CTNND2: variants seen among roughly 807,000 people sequenced by gnomAD.
CTNND2 encodes the protein catenin delta 2, also known as catenin delta-2.
In CTNND2, 22 loss-of-function variants were observed where a neutral mutation model predicts 144.4. The ratio of observed to expected loss-of-function variants is 0.15; its 90% CI spans 0.11 to 0.22. The LOEUF is 0.22. Among genes scored for constraint, CTNND2 ranks in the 10% least tolerant of loss-of-function variants. The pLI, the probability that CTNND2 is intolerant of heterozygous loss-of-function variation, is 1.00. For missense variants in CTNND2, 1,353 were observed against 1,618.8 expected, an observed-to-expected ratio of 0.84 and a Z score of 2.82; for synonymous variants, 751 against 695.6, an observed-to-expected ratio of 1.08 and a Z score of -1.25.
At chr5:11,629,889 T>C (rs1781333340) in intron 2 of CTNND2, among the ~76,000 whole-genome samples, 1 of 152,124 alleles carries the variant, frequency 6.6e-6, no homozygotes, top group South Asian at 2.1e-4. Context: ...CTATGATACG[T>C]CATGCTTTAA....
Position 11,384,509 on chromosome 5 carries a change from C to CT in CTNND2, c.1177+155dup, listed in dbSNP as rs1375717748. 6.2e-6 allele frequency: 4 copies of CT among 649,336 alleles called. No individual in the cohort carries two copies. The highest frequency in any genetic ancestry group is 5.5e-5 in the African/African-American group (3 of 54,658). 40.2% of individuals were successfully genotyped at this position (649,336 alleles called of 1,614,324 possible). On this transcript the variant is annotated intron_variant, in intron 7 of 21. Transcript: ENST00000304623. This position sits in a 1 kb window ranked among gnomAD's most constrained non-coding sequence, Gnocchi z 5.2. ...TGACAAACTGTAGGGAAGATACTGA[C>CT]TTGTTCCAGGAAAGCCCTGGCGTTC...
intron 3 of CTNND2, among the ~76,000 whole-genome samples, chr5:11,521,455 A>C (rs1772706586): frequency 6.6e-6 from 1 of 152,214 alleles, no homozygotes; most frequent in Admixed American, 6.5e-5. Flanking sequence ...TGAAGACTGA[A>C]TGAAATAAAC....
chr5:11,403,129 G>A (rs2149824844), intron 5 of CTNND2, among the ~76,000 whole-genome samples: 1 of 152,216 alleles, frequency 6.6e-6, no homozygotes, highest in South Asian at 2.1e-4. Flanking sequence ...GTTGTTTGCT[G>A]CACCTATCAA....
At chr5:11,709,099 G>C (rs965245650) in intron 2 of CTNND2, among the ~76,000 whole-genome samples, 4 of 152,180 alleles carry the variant, frequency 2.6e-5, no homozygotes, top group Non-Finnish European at 5.9e-5. Flanking sequence ...GTTCCCAAGA[G>C]AGCAAGAACT....
At chr5:11,100,704 T>TA (rs1215454473) in intron 14 of CTNND2, among the ~76,000 whole-genome samples, 2 of 152,246 alleles carry the variant, frequency 1.3e-5, no homozygotes, top group African/African-American at 4.8e-5. Context: ...TTAAAGCAAT[T>TA]ATTTTCATAT....
chr5:11,039,573 A>G (rs1451608085), intron 16 of CTNND2, among the ~76,000 whole-genome samples: 1 of 152,186 alleles, frequency 6.6e-6, no homozygotes, highest in Non-Finnish European at 1.5e-5. Context: ...TAAAAAATGA[A>G]TCTTCTTTTA....
chr5:11,895,824 GA>G (rs1325550563), intron 1 of CTNND2, among the ~76,000 whole-genome samples: 1 of 152,100 alleles, frequency 6.6e-6, no homozygotes, highest in Admixed American at 6.6e-5. Flanking sequence ...AAAAAAATTA[GA>G]CGTAGACACC....
intron 3 of CTNND2, among the ~76,000 whole-genome samples, chr5:11,429,526 T>G (rs983466411): frequency 3.3e-5 from 5 of 152,194 alleles, no homozygotes; most frequent in African/African-American, 1.2e-4. Flanking sequence ...CATTCTTCAT[T>G]TTTAATTTGT....
chr5:11,353,630 CCG>C (rs1231240086), intron 8 of CTNND2, among the ~76,000 whole-genome samples: 2 of 151,960 alleles, frequency 1.3e-5, no homozygotes, highest in East Asian at 3.9e-4. Flanking sequence ...TGGAGAAACC[CCG>C]TCTCTACTAA....
chr5:11,825,721 T>C lies in CTNND2; in HGVS notation c.37+78096A>G, dbSNP rs568535106. 4.6e-5 allele frequency among the ~76,000 whole-genome samples: 7 copies of C among 152,184 alleles called. 1 individual carries two copies. Among genetic ancestry groups the C allele is most frequent in the African/African-American group, 1.7e-4 (7 of 41,560 alleles). On this transcript the variant is annotated intron_variant, in intron 1 of 21. Coordinates refer to ENST00000304623, the MANE Select transcript of CTNND2 (RefSeq NM_001332.4). ...AAAATCAAAGATAAAGATAAACTTA[T>C]GCTGGTAGACAGAATAAAAAGAGAA...
At chr5:11,831,677 A>G (rs942752557) in intron 1 of CTNND2, among the ~76,000 whole-genome samples, 9 of 151,964 alleles carry the variant, frequency 5.9e-5, no homozygotes, top group Non-Finnish European at 1.3e-4. Flanking sequence ...AAAAAAAAAA[A>G]AAAAAGAGTT....
chr5:11,807,997 C>T (rs1792101322), intron 1 of CTNND2, among the ~76,000 whole-genome samples: 1 of 152,088 alleles, frequency 6.6e-6, no homozygotes, highest in Admixed American at 6.6e-5. Flanking sequence ...TGGCTCCCTA[C>T]AATAGAACTT....
At chr5:11,827,523 A>G (rs1793663979) in intron 1 of CTNND2, among the ~76,000 whole-genome samples, 1 of 152,234 alleles carries the variant, frequency 6.6e-6, no homozygotes, top group African/African-American at 2.4e-5. Flanking sequence ...TGAAAACAAT[A>G]AAATTGATAC....
At chr5:11,869,188 C>T (rs1403032294) in intron 1 of CTNND2, among the ~76,000 whole-genome samples, 1 of 152,090 alleles carries the variant, frequency 6.6e-6, no homozygotes, top group Non-Finnish European at 1.5e-5. Context: ...AACAGGTAAA[C>T]ACAGAATTGC....
chr5:10,974,040 C>A (rs963298802), intron 21 of CTNND2, among the ~76,000 whole-genome samples: 4 of 152,234 alleles, frequency 2.6e-5, no homozygotes, highest in African/African-American at 4.8e-5. Context: ...TCACCACCAT[C>A]CGTTTCCACC....
At chr5:11,020,981 C>T (rs1433722937) in intron 17 of CTNND2, among the ~76,000 whole-genome samples, 1 of 152,100 alleles carries the variant, frequency 6.6e-6, no homozygotes, top group East Asian at 1.9e-4. Context: ...AAAATCTTCC[C>T]ATTAACAATA....
intron 8 of CTNND2, among the ~76,000 whole-genome samples, chr5:11,349,224 T>C (rs529707343): frequency 1.3e-5 from 2 of 152,312 alleles, no homozygotes; most frequent in South Asian, 4.1e-4. Context: ...CCATTAATGA[T>C]GTTGAAATCA....
chr5:11,075,979 C>T (rs540441136), intron 16 of CTNND2, among the ~76,000 whole-genome samples: 87 of 152,326 alleles, frequency 5.7e-4, no homozygotes, highest in African/African-American at 1.9e-3. Flanking sequence ...TATTTATCCA[C>T]CAGTTAATTC....
chr5:11,163,152 A>G (rs1049901635), intron 11 of CTNND2, among the ~76,000 whole-genome samples: 2 of 152,310 alleles, frequency 1.3e-5, no homozygotes, highest in East Asian at 3.9e-4. Context: ...TTAGTGACTC[A>G]TTTGTGACCA....
Sources: gnomAD v4.1 joint callset for allele counts (sites outside exome capture counted in the v4.1 genomes callset) on GRCh38, gnomAD v4.1.1 for gene constraint, Gnocchi (gnomAD v3.1) non-coding constraint, MANE v1.5 for transcripts, NCBI Gene and HGNC (gene_info 2026-07-23, HGNC 2026-07-21) for gene names.